KCNH7: variants seen among roughly 807,000 people sequenced by gnomAD.
KCNH7 encodes the protein voltage-gated inwardly rectifying potassium channel KCNH7.
Under a neutral mutation model 120.8 loss-of-function variants are expected in KCNH7, and 49 were observed. The observed-to-expected ratio is 0.41, with a 90% CI of 0.32 to 0.51. The LOEUF is 0.51. Among genes scored for constraint, KCNH7 ranks in the 20% least tolerant of loss-of-function variants. The probability of loss-of-function intolerance (pLI) is 0.38; values close to 1 mark genes in which losing one functional copy is unlikely to be tolerated. For missense variants in KCNH7, 1,097 were observed against 1,446.6 expected, an observed-to-expected ratio of 0.76 and a Z score of 3.92; for synonymous variants, 547 against 516.1, an observed-to-expected ratio of 1.06 and a Z score of -0.81.
Position 162,371,458 on chromosome 2 carries a change from C to G in KCNH7, c.*371G>C. 7.9e-7 allele frequency: 1 copy of G among 1,268,472 alleles called. No individual in the cohort carries two copies. Among genetic ancestry groups the G allele is most frequent in the Non-Finnish European group, 1.0e-6 (1 of 977,796 alleles). The allele number at this position is 1,268,472 out of a possible 1,614,324, so 78.6% of individuals were successfully genotyped here. A position where few individuals can be genotyped will look rare whatever the true frequency, so the allele number is the denominator to read the frequency against. ...GTTGCATCCATGAACAGTTTTATCC[C>G]TTGGTTTCTTATTTGCGTGGAAGGC... On this transcript the variant is annotated 3_prime_UTR_variant, in exon 16 of 16. Transcript: ENST00000332142.
At chr2:162,688,328 G>A (rs1433071479) in intron 2 of KCNH7, among the ~76,000 whole-genome samples, 3 of 152,070 alleles carry the variant, frequency 2.0e-5, no homozygotes, top group Non-Finnish European at 4.4e-5. Flanking sequence ...ACAGATTCAT[G>A]GATTCCAGTT....
In KCNH7 at chr2:162,411,091, C is replaced by T. The variant is rs978764185; in HGVS notation, c.2155-10650G>A. Among the ~76,000 whole-genome samples the T allele has an allele frequency of 2.6e-5, 4 of 152,062 alleles. No individual in the cohort carries two copies. The South Asian group carries it at 6.2e-4, about 24-fold the overall frequency. Reference sequence around the variant, plus strand: ...GAACTATTCCATTCAACCCAGCAGTCCCACTGTTGGGCAAATACTCAAAGG... The same window carrying T: ...GAACTATTCCATTCAACCCAGCAGTTCCACTGTTGGGCAAATACTCAAAGG... On this transcript the variant is annotated intron_variant, in intron 9 of 15. Transcript: ENST00000332142.
chr2:162,836,466 T>C (rs1685667086), intron 2 of KCNH7, 71 bp downstream of exon 2: 1 of 1,235,220 alleles, frequency 8.1e-7, no homozygotes, highest in Non-Finnish European at 1.2e-6. Flanking sequence ...TCTTTGCATA[T>C]GAACTTTTAA....
chr2:162,599,636 G>T (rs1355121207), intron 2 of KCNH7, among the ~76,000 whole-genome samples: 1 of 149,780 alleles, frequency 6.7e-6, no homozygotes, highest in Non-Finnish European at 1.5e-5. Context: ...TCTACATGTG[G>T]TCTCTTTTTT....
chr2:162,704,840 C>T (rs1038445300), intron 2 of KCNH7, among the ~76,000 whole-genome samples: 9 of 152,166 alleles, frequency 5.9e-5, no homozygotes, highest in East Asian at 3.9e-4. Flanking sequence ...ATGTTTTTTC[C>T]CTGCCTTCTT....
At chr2:162,799,854 T>C (rs938372944) in intron 2 of KCNH7, among the ~76,000 whole-genome samples, 1 of 151,812 alleles carries the variant, frequency 6.6e-6, no homozygotes, top group Non-Finnish European at 1.5e-5. Flanking sequence ...AATTATACAC[T>C]TGTCTTTTCT....
At chr2:162,663,336 T>A (rs1574237058) in intron 2 of KCNH7, among the ~76,000 whole-genome samples, 1 of 152,336 alleles carries the variant, frequency 6.6e-6, no homozygotes, top group African/African-American at 2.4e-5. Flanking sequence ...TTTGCAGAAA[T>A]TTTTCTTGTT....
intron 2 of KCNH7, among the ~76,000 whole-genome samples, chr2:162,767,325 C>A (rs890886165): frequency 6.6e-6 from 1 of 152,030 alleles, no homozygotes; most frequent in Non-Finnish European, 1.5e-5. Context: ...AAAGTTATAT[C>A]GGAATTTCCC....
At chr2:162,502,082 G>T (rs945553788) in intron 6 of KCNH7, 1 of 151,968 alleles carries the variant, frequency 6.6e-6, no homozygotes, top group African/African-American at 2.4e-5. Context: ...CTAGCCTCTC[G>T]CCAGCTCAGA....
At chr2:162,446,532 A>G (rs1301937095) in intron 6 of KCNH7, 89 bp from the exon 7 acceptor site, 1 of 922,840 alleles carries the variant, frequency 1.1e-6, no homozygotes, top group Non-Finnish European at 1.6e-6. Context: ...CTAATTATAC[A>G]GTAAAATTTA....
chr2:162,599,056 G>C (rs373920519), intron 2 of KCNH7, among the ~76,000 whole-genome samples: 3 of 151,942 alleles, frequency 2.0e-5, no homozygotes, highest in East Asian at 1.9e-4. Context: ...AGGAGTTCAA[G>C]ACCAGCCTGG....
intron 2 of KCNH7, among the ~76,000 whole-genome samples, chr2:162,712,099 G>A (rs533000168): frequency 5.3e-5 from 8 of 152,206 alleles, no homozygotes; most frequent in South Asian, 4.1e-4. Context: ...CTCTTTACAC[G>A]GCACTTAAAG....
At chr2:162,530,505 C>G (rs1343584148) in intron 3 of KCNH7, among the ~76,000 whole-genome samples, 2 of 151,874 alleles carry the variant, frequency 1.3e-5, no homozygotes, top group South Asian at 4.1e-4. Context: ...ATTACAAACA[C>G]TTTAGTGAGA....
chr2:162,831,392 C>T (rs1685472257), intron 2 of KCNH7, among the ~76,000 whole-genome samples: 1 of 152,034 alleles, frequency 6.6e-6, no homozygotes, highest in Admixed American at 6.6e-5. Context: ...TTTAATCAGA[C>T]CACTTCGAAT....
intron 2 of KCNH7, among the ~76,000 whole-genome samples, chr2:162,750,804 G>A (rs973095183): frequency 7.9e-5 from 12 of 152,206 alleles, no homozygotes; most frequent in East Asian, 1.9e-4. Flanking sequence ...ATTCTCACAC[G>A]TGGGAACAAG....
At chr2:162,731,168 A>G (rs17787696) in intron 2 of KCNH7, among the ~76,000 whole-genome samples, 1 of 150,868 alleles carries the variant, frequency 6.6e-6, no homozygotes, top group Non-Finnish European at 1.5e-5. Flanking sequence ...ACTTGAGAAG[A>G]CCTTCTGCAA....
chr2:162,737,410 G>A (rs1388312079), intron 2 of KCNH7, among the ~76,000 whole-genome samples: 1 of 152,102 alleles, frequency 6.6e-6, no homozygotes, highest in Non-Finnish European at 1.5e-5. Context: ...CCAAGGCAGA[G>A]TGACAGTGAG....
chr2:162,373,667 A>C lies in KCNH7; in HGVS notation c.3132-5T>G. On this transcript the variant is annotated splice_region_variant and splice_polypyrimidine_tract_variant and intron_variant, in intron 14 of 15. Coordinates refer to ENST00000332142, the MANE Select transcript of KCNH7 (RefSeq NM_033272.4). Reference sequence around the variant, plus strand: ...GTGGTCATTTGGGATTCAAGCCTACAGAACAGACAGAAGTAGGAAAAGACA... The same window carrying C: ...GTGGTCATTTGGGATTCAAGCCTACCGAACAGACAGAAGTAGGAAAAGACA... The C allele has an allele frequency of 1.4e-6, 2 of 1,462,874 alleles. No individual in the cohort carries two copies. Among genetic ancestry groups the C allele is most frequent in the Non-Finnish European group, 1.8e-6 (2 of 1,102,450 alleles). 90.6% of individuals were successfully genotyped at this position (1,462,874 alleles called of 1,614,324 possible).
chr2:162,485,961 T>A (rs1224885391), intron 6 of KCNH7, among the ~76,000 whole-genome samples: 2 of 152,184 alleles, frequency 1.3e-5, no homozygotes, highest in Admixed American at 6.5e-5. Flanking sequence ...GATCTGAAAA[T>A]TAAGACTGTG....
Sources: gnomAD v4.1 joint callset for allele counts (sites outside exome capture counted in the v4.1 genomes callset) on GRCh38, gnomAD v4.1.1 for gene constraint, MANE v1.5 for transcripts, NCBI Gene and HGNC (gene_info 2026-07-23, HGNC 2026-07-21) for gene names.